KCNH7: variants seen among roughly 807,000 people sequenced by gnomAD.
The protein encoded by KCNH7 is voltage-gated inwardly rectifying potassium channel KCNH7.
Under a neutral mutation model 120.8 loss-of-function variants are expected in KCNH7, and 49 were observed. That is an observed-to-expected ratio of 0.41 (90% CI 0.32 to 0.51). The LOEUF is 0.51. Ranked by LOEUF, KCNH7 falls within the 20% of genes least tolerant of loss-of-function variation. The probability of loss-of-function intolerance (pLI) is 0.38; values close to 1 mark genes in which losing one functional copy is unlikely to be tolerated. For synonymous variants in KCNH7, 547 were observed against 516.1 expected, an observed-to-expected ratio of 1.06 and a Z score of -0.81; for missense variants, 1,097 against 1,446.6, an observed-to-expected ratio of 0.76 and a Z score of 3.92.
intron 2 of KCNH7, chr2:162,796,253 C>T (rs954308636): frequency 2.6e-5 from 4 of 151,946 alleles, no homozygotes; most frequent in African/African-American, 7.3e-5. Context: ...TGTAAAATGG[C>T]TTCCACAATC....
chr2:162,733,034 C>A (rs1687779746), intron 2 of KCNH7, among the ~76,000 whole-genome samples: 2 of 152,152 alleles, frequency 1.3e-5, no homozygotes, highest in South Asian at 4.1e-4. Flanking sequence ...AGTGGGAGTC[C>A]ATTCCTTTCA....
At chr2:162,641,756 A>G (rs150862825) in intron 2 of KCNH7, among the ~76,000 whole-genome samples, 341 of 150,642 alleles carry the variant, frequency 2.3e-3, no homozygotes, top group Non-Finnish European at 4.2e-3. Context: ...ATCTTGTAGT[A>G]TAGTTTTGCA....
chr2:162,542,098 A>G (rs1403447133), intron 2 of KCNH7, among the ~76,000 whole-genome samples: 1 of 151,974 alleles, frequency 6.6e-6, no homozygotes, highest in Non-Finnish European at 1.5e-5. Context: ...TAAAAGATAT[A>G]GGGTCTATTT....
intron 2 of KCNH7, among the ~76,000 whole-genome samples, chr2:162,659,950 T>C (rs112657024): frequency 9.9e-5 from 15 of 152,278 alleles, no homozygotes; most frequent in African/African-American, 3.4e-4. Context: ...TTCTTTTTAA[T>C]ATCCAAGGAA....
intron 2 of KCNH7, among the ~76,000 whole-genome samples, chr2:162,601,342 A>T (rs558974770): frequency 5.3e-4 from 76 of 142,812 alleles, no homozygotes; most frequent in African/African-American, 2.0e-3. Context: ...GCCAATAATC[A>T]TCTGAATATA....
At chr2:162,701,415 C>A (rs975710338) in intron 2 of KCNH7, among the ~76,000 whole-genome samples, 1 of 152,044 alleles carries the variant, frequency 6.6e-6, no homozygotes, top group Non-Finnish European at 1.5e-5. Context: ...TCATTACACA[C>A]TTACAGACAC....
At chr2:162,607,909 G>GATACAAAT (rs1330349659) in intron 2 of KCNH7, among the ~76,000 whole-genome samples, 3 of 152,130 alleles carry the variant, frequency 2.0e-5, no homozygotes, top group Non-Finnish European at 4.4e-5. Flanking sequence ...CTAGCTTGAA[G>GATACAAAT]ATACAAATAT....
chr2:162,469,841 C>T (rs113515336), intron 6 of KCNH7, among the ~76,000 whole-genome samples: 9,253 of 152,162 alleles, frequency 0.061, 872 homozygotes, highest in African/African-American at 0.2. Flanking sequence ...CGAGTGCCTG[C>T]GATTGCAGGC....
chr2:162,604,090 G>T (rs1224710832), intron 2 of KCNH7, among the ~76,000 whole-genome samples: 1 of 152,034 alleles, frequency 6.6e-6, no homozygotes, highest in Non-Finnish European at 1.5e-5. Flanking sequence ...CTTAGCTAGA[G>T]AAAGTTCTGT....
intron 2 of KCNH7, among the ~76,000 whole-genome samples, chr2:162,660,383 T>C (rs1486312069): frequency 6.6e-6 from 1 of 152,162 alleles, no homozygotes; most frequent in Non-Finnish European, 1.5e-5. Context: ...GTTTGACCCA[T>C]GTGTTATTTA....
chr2:162,561,903 C>G (rs769531610), intron 2 of KCNH7, among the ~76,000 whole-genome samples: 2 of 152,248 alleles, frequency 1.3e-5, no homozygotes, highest in African/African-American at 2.4e-5. Context: ...AGTTTGTGTC[C>G]TTTGCAGGGA....
intron 2 of KCNH7, among the ~76,000 whole-genome samples, chr2:162,540,346 G>A (rs1374634210): frequency 2.0e-5 from 3 of 151,808 alleles, no homozygotes; most frequent in African/African-American, 7.3e-5. Context: ...GACTGTTTAG[G>A]AGGAACAGTG....
At chr2:162,750,036 G>A (rs190924146) in intron 2 of KCNH7, among the ~76,000 whole-genome samples, 1 of 152,244 alleles carries the variant, frequency 6.6e-6, no homozygotes, top group East Asian at 1.9e-4. Flanking sequence ...GCCTAGGAAG[G>A]TTAATCAGAT....
At chr2:162,518,569 C>T (rs993662029) in intron 3 of KCNH7, among the ~76,000 whole-genome samples, 1 of 151,680 alleles carries the variant, frequency 6.6e-6, no homozygotes, top group African/African-American at 2.4e-5. Flanking sequence ...AGCCTACATA[C>T]ATGTATGGGT....
chr2:162,540,054 T>C (rs754709194), intron 2 of KCNH7, among the ~76,000 whole-genome samples: 2 of 151,666 alleles, frequency 1.3e-5, no homozygotes, highest in Non-Finnish European at 2.9e-5. Flanking sequence ...GCAAGAGCAA[T>C]GGAAACCTAA....
At chr2:162,836,402 G>T in intron 2 of KCNH7, 135 bp downstream of exon 2, 1 of 673,860 alleles carries the variant, frequency 1.5e-6, no homozygotes, top group Non-Finnish European at 2.5e-6. Flanking sequence ...CATATATGTT[G>T]GATCCCAAAA....
At chr2:162,805,211 A>G (rs1039544734) in intron 2 of KCNH7, among the ~76,000 whole-genome samples, 1 of 152,102 alleles carries the variant, frequency 6.6e-6, no homozygotes, top group Non-Finnish European at 1.5e-5. Context: ...AAGCAAATGC[A>G]ACAAAAATAA....
At chr2:162,510,977 T>A (rs1369447898) in intron 5 of KCNH7, among the ~76,000 whole-genome samples, 1 of 151,820 alleles carries the variant, frequency 6.6e-6, no homozygotes, top group East Asian at 1.9e-4. Context: ...TATTAATATG[T>A]GAAAACTTTG....
intron 6 of KCNH7, among the ~76,000 whole-genome samples, chr2:162,484,513 CGCAATAAGTCAGGAT>C (rs796248590): frequency 2.4e-4 from 36 of 152,028 alleles, no homozygotes; most frequent in African/African-American, 8.5e-4. Flanking sequence ...CCAGAGAGAC[CGCAATAAGTCAGGAT>C]GCATCCTAAC....
Sources: gnomAD v4.1 joint callset for allele counts (sites outside exome capture counted in the v4.1 genomes callset) on GRCh38, gnomAD v4.1.1 for gene constraint, MANE v1.5 for transcripts, NCBI Gene and HGNC (gene_info 2026-07-23, HGNC 2026-07-21) for gene names.